GRIK3: variants seen among roughly 807,000 people sequenced by gnomAD.
The protein encoded by GRIK3 is glutamate receptor ionotropic, kainate 3.
Under a neutral mutation model 102.5 loss-of-function variants are expected in GRIK3, and 29 were observed. That is an observed-to-expected ratio of 0.28 (90% CI 0.21 to 0.39). GRIK3 has a LOEUF of 0.39. GRIK3 is among the 10% of genes least tolerant of loss of function. The pLI, the probability that GRIK3 is intolerant of heterozygous loss-of-function variation, is 1.00. For missense variants in GRIK3, 908 were observed against 1,252.4 expected, an observed-to-expected ratio of 0.73 and a Z score of 4.15; for synonymous variants, 511 against 504.9, an observed-to-expected ratio of 1.01 and a Z score of -0.16.
At chr1:37,008,238 C>T (rs1292435677) in intron 1 of GRIK3, among the ~76,000 whole-genome samples, 4 of 152,218 alleles carry the variant, frequency 2.6e-5, no homozygotes, top group African/African-American at 9.6e-5. Flanking sequence ...GGTGCAAAGG[C>T]TGGCTCTACC....
intron 10 of GRIK3, among the ~76,000 whole-genome samples, chr1:36,831,718 C>T (rs1352246095): frequency 1.3e-5 from 2 of 152,198 alleles, no homozygotes; most frequent in Non-Finnish European, 2.9e-5. Flanking sequence ...GGCTGTCAAG[C>T]ATTTGAAATG....
chr1:36,927,832 C>T (rs998864603), intron 1 of GRIK3, among the ~76,000 whole-genome samples: 17 of 151,996 alleles, frequency 1.1e-4, no homozygotes, highest in East Asian at 1.9e-4. Flanking sequence ...TGAGGCTCCC[C>T]GAGAGGCAGG....
At chr1:36,875,930 G>T (rs924524880) in intron 3 of GRIK3, among the ~76,000 whole-genome samples, 9 of 152,192 alleles carry the variant, frequency 5.9e-5, no homozygotes, top group Non-Finnish European at 8.8e-5. Flanking sequence ...GAGATGACTC[G>T]TGATTGGCAG....
intron 1 of GRIK3, among the ~76,000 whole-genome samples, chr1:37,021,887 C>T (rs1642718854): frequency 6.6e-6 from 1 of 152,160 alleles, no homozygotes; most frequent in Admixed American, 6.5e-5. Flanking sequence ...TCAGTTTCCC[C>T]ACTGATACAA....
At chr1:36,915,433 C>A (rs983939959) in intron 1 of GRIK3, among the ~76,000 whole-genome samples, 5 of 152,176 alleles carry the variant, frequency 3.3e-5, no homozygotes, top group Non-Finnish European at 7.3e-5. Context: ...TATGCACAAA[C>A]ATACAAGTAT....
intron 10 of GRIK3, among the ~76,000 whole-genome samples, chr1:36,841,412 G>A (rs1640447612): frequency 6.6e-6 from 1 of 152,230 alleles, no homozygotes; most frequent in Non-Finnish European, 1.5e-5. Context: ...TAAAGGAGCA[G>A]AAGATACCAA....
chr1:37,000,210 T>C (rs1459257771), intron 1 of GRIK3, among the ~76,000 whole-genome samples: 7 of 152,260 alleles, frequency 4.6e-5, no homozygotes, highest in Non-Finnish European at 8.8e-5. Context: ...AGAAGTCCAC[T>C]GTCTCATTTC....
intron 2 of GRIK3, among the ~76,000 whole-genome samples, chr1:36,886,029 T>G (rs944252328): frequency 6.6e-6 from 1 of 152,176 alleles, no homozygotes; most frequent in Non-Finnish European, 1.5e-5. Flanking sequence ...TGGGGAGCCC[T>G]GGGTCAATTC....
chr1:36,995,282 T>C (rs532448414), intron 1 of GRIK3, among the ~76,000 whole-genome samples: 1 of 152,326 alleles, frequency 6.6e-6, no homozygotes, highest in South Asian at 2.1e-4. Context: ...CACAGATTGA[T>C]CATGGTCAGT....
In GRIK3 at chr1:36,937,784, C is replaced by T. The variant is rs529497570; in HGVS notation, c.116-46688G>A. 1.1e-4 allele frequency among the ~76,000 whole-genome samples: 17 copies of T among 152,192 alleles called. 1 individual carries two copies. The highest frequency in any genetic ancestry group is 2.1e-4 in the South Asian group (1 of 4,828). On this transcript the variant is annotated intron_variant, in intron 1 of 15. Transcript: ENST00000373091. ...TGAACAATCAAGTGTCCCATCAATTCGTAATAGTACAGGGACCACTACATC... is the reference window on the plus strand; with the variant it reads ...TGAACAATCAAGTGTCCCATCAATTTGTAATAGTACAGGGACCACTACATC...
At chr1:36,900,422 A>C (rs192925761) in intron 1 of GRIK3, among the ~76,000 whole-genome samples, 1 of 152,268 alleles carries the variant, frequency 6.6e-6, no homozygotes. Flanking sequence ...CTACAGCCAC[A>C]TACCACTGTG....
chr1:36,926,478 C>T (rs576804762), intron 1 of GRIK3, among the ~76,000 whole-genome samples: 1 of 151,876 alleles, frequency 6.6e-6, no homozygotes, highest in Non-Finnish European at 1.5e-5. Flanking sequence ...GCCACCTCTG[C>T]CTCCCGGGTT....
In GRIK3 at chr1:36,801,720, G is replaced by T. The variant is rs1642441879; in HGVS notation, c.*131C>A. On this transcript the variant is annotated 3_prime_UTR_variant, in exon 16 of 16. Coordinates refer to ENST00000373091, the MANE Select transcript of GRIK3 (RefSeq NM_000831.4). ...GGCTTCCTGGCAGGTAAGGGCAGGAGGCTCCTGGCCCAACAGGCAGGTGGC... is the reference window on the plus strand; with the variant it reads ...GGCTTCCTGGCAGGTAAGGGCAGGATGCTCCTGGCCCAACAGGCAGGTGGC... The T allele has an allele frequency of 4.4e-6, 3 of 684,098 alleles. No homozygotes were observed. The highest frequency in any genetic ancestry group is 4.6e-6 in the Non-Finnish European group (2 of 438,014). The allele number at this position is 684,098 out of a possible 1,614,324, so 42.4% of individuals were successfully genotyped here.
At chr1:36,912,811 T>A (rs1557722855) in intron 1 of GRIK3, among the ~76,000 whole-genome samples, 1 of 152,190 alleles carries the variant, frequency 6.6e-6, no homozygotes, top group East Asian at 1.9e-4. Flanking sequence ...ACAGATAGGA[T>A]GTCAACATGT....
At chr1:36,832,803 A>T (rs1640321692) in intron 10 of GRIK3, among the ~76,000 whole-genome samples, 1 of 152,152 alleles carries the variant, frequency 6.6e-6, no homozygotes, top group Admixed American at 6.5e-5. Flanking sequence ...GTGTCCCTTC[A>T]GTCAAGTTCT....
rs951778802 is a variant in GRIK3, at chr1:36,801,782, C to T, written c.*69G>A. The stretch of plus-strand genomic sequence containing the variant: ...CCAAGCCCAGTGCGGGGACAGGGGA[C>T]GTTCCTTCCAATCTCCTTTGCTTTC... On this transcript the variant is annotated 3_prime_UTR_variant, in exon 16 of 16. Coordinates refer to ENST00000373091, the MANE Select transcript of GRIK3 (RefSeq NM_000831.4). 15 of 1,352,824 alleles carry T rather than the reference C, an allele frequency of 1.1e-5. No individual in the cohort carries two copies. The highest frequency in any genetic ancestry group is 2.2e-4 in the Middle Eastern group (1 of 4,580). 83.8% of individuals were successfully genotyped at this position (1,352,824 alleles called of 1,614,324 possible).
intron 13 of GRIK3, among the ~76,000 whole-genome samples, chr1:36,809,353 A>C (rs530070147): frequency 7.6e-4 from 115 of 152,086 alleles, no homozygotes; most frequent in African/African-American, 2.7e-3. Context: ...TTATCCATCT[A>C]TCCAACCATC....
At chr1:36,962,766 T>C (rs1371473465) in intron 1 of GRIK3, among the ~76,000 whole-genome samples, 1 of 144,424 alleles carries the variant, frequency 6.9e-6, no homozygotes, top group Non-Finnish European at 1.5e-5. Flanking sequence ...GGATAAAAAA[T>C]GAAGGAAGGA....
intron 1 of GRIK3, among the ~76,000 whole-genome samples, chr1:36,944,380 C>T (rs577777966): frequency 3.3e-5 from 5 of 152,116 alleles, no homozygotes; most frequent in South Asian, 2.1e-4. Flanking sequence ...CCCCTCAGGC[C>T]GAAGGGGCTG....
Sources: allele counts gnomAD v4.1 joint callset (sites outside exome capture counted in the v4.1 genomes callset), GRCh38; gene constraint gnomAD v4.1.1; transcripts MANE v1.5; gene names NCBI Gene and HGNC (gene_info 2026-07-23, HGNC 2026-07-21).